The following RNMT variants were observed in gnomAD, a reference collection of about 807,000 sequenced individuals.
RNMT encodes the protein RNA guanine-7 methyltransferase.
In RNMT, 27 loss-of-function variants were observed where a neutral mutation model predicts 56.0. That is an observed-to-expected ratio of 0.48 (90% confidence interval 0.36 to 0.67). The LOEUF (loss-of-function observed/expected upper bound fraction) is 0.67. Among genes scored for constraint, RNMT ranks in the 30% least tolerant of loss-of-function variants. The pLI, the probability that RNMT is intolerant of heterozygous loss-of-function variation, is 0.00. For missense variants in RNMT, 519 were observed against 552.1 expected, an observed-to-expected ratio of 0.94 and a Z score of 0.60; for synonymous variants, 184 against 176.2, an observed-to-expected ratio of 1.04 and a Z score of -0.35.
At chr18:13,732,862 A>G (rs747320447) in intron 3 of RNMT, among the ~76,000 whole-genome samples, 15 of 150,370 alleles carry the variant, frequency 1.0e-4, no homozygotes, top group Non-Finnish European at 1.9e-4. Context: ...CCCGGGTTCA[A>G]GCGATTCTCC....
intron 3 of RNMT, among the ~76,000 whole-genome samples, chr18:13,733,866 C>T (rs1287930848): frequency 2.0e-5 from 3 of 152,152 alleles, no homozygotes; most frequent in Non-Finnish European, 4.4e-5. Flanking sequence ...AAAATTAATG[C>T]AGATGAAATA....
At chr18:13,732,016 T>C (rs2044079007) in intron 3 of RNMT, 82 bp downstream of exon 3, 3 of 1,109,938 alleles carry the variant, frequency 2.7e-6, no homozygotes, top group Non-Finnish European at 3.9e-6. Flanking sequence ...ATACTGGTTT[T>C]TACATAATAG....
At position 13,731,906 on chromosome 18, in the gene RNMT, C is replaced by G; in HGVS notation, c.389C>G (p.Ala130Gly). The G allele has an allele frequency of 1.3e-6, 2 of 1,599,164 alleles. No individual in the cohort carries two copies. Among genetic ancestry groups the G allele is most frequent in the Non-Finnish European group, 1.7e-6 (2 of 1,176,412 alleles). The change falls in exon 3 of 12, where the codon GCA (alanine) becomes GGA (glycine). Residue 130 changes from alanine to glycine, a missense_variant. Physicochemically the swap from Ala to Gly is moderately conservative, Grantham distance 60. Coordinates refer to ENST00000383314, the MANE Select transcript of RNMT (RefSeq NM_003799.3). ...GGCACTCAAAATAAGAGAAAAATAGCACTTGAGGATGTTCCTGAAAAGCAG... is the reference window on the plus strand; with the variant it reads ...GGCACTCAAAATAAGAGAAAAATAGGACTTGAGGATGTTCCTGAAAAGCAG... ...GDGTQNKRKI[A>G]LEDVPEKQKN...
In RNMT at chr18:13,734,578, T is replaced by A. The variant is rs769711837; in HGVS notation, c.532T>A (p.Trp178Arg). Residue 178 changes from tryptophan to arginine, a missense_variant, in exon 4 of 12, where the codon TGG becomes AGG. Physicochemically the swap from Trp to Arg is moderately radical, Grantham distance 101. Coordinates refer to ENST00000383314, the MANE Select transcript of RNMT (RefSeq NM_003799.3). ...TTTTTACCTAAGAAACTTTAATAAT[T>A]GGATGAAAAGTGTTCTCATTGGTAT... is the stretch of plus-strand genomic sequence containing the variant. ...RIFYLRNFNN[W>R]MKSVLIGEFL... 6 of 1,613,094 alleles carry A rather than the reference T, an allele frequency of 3.7e-6. No homozygotes were observed. Among genetic ancestry groups the A allele is most frequent in the Non-Finnish European group, 5.1e-6 (6 of 1,179,422 alleles).
intron 9 of RNMT, among the ~76,000 whole-genome samples, chr18:13,748,413 G>A (rs1400654596): frequency 6.6e-6 from 1 of 152,218 alleles, no homozygotes; most frequent in Non-Finnish European, 1.5e-5. Flanking sequence ...CCAGATAAGA[G>A]TTAGGACACT....
At chr18:13,744,159 C>CTTCTTTTTT (rs2044308314) in intron 8 of RNMT, among the ~76,000 whole-genome samples, 3 of 91,400 alleles carry the variant, frequency 3.3e-5, no homozygotes, top group African/African-American at 1.6e-4. Context: ...TAGCGGTCTT[C>CTTCTTTTTT]TTTTTTTTTT....
intron 9 of RNMT, among the ~76,000 whole-genome samples, chr18:13,751,047 A>G (rs1414636465): frequency 6.6e-6 from 1 of 152,228 alleles, no homozygotes; most frequent in Admixed American, 6.5e-5. Context: ...TTCAGGACAT[A>G]GGCATGGGCA....
At position 13,746,264 on chromosome 18, in the gene RNMT, T is replaced by C; in HGVS notation, c.1184T>C (p.Phe395Ser). Residue 395 changes from phenylalanine (F) to serine (S), a missense_variant, in exon 9 of 12, where the codon TTT (phenylalanine) becomes TCT (serine). Coordinates refer to ENST00000383314, the MANE Select transcript of RNMT (RefSeq NM_003799.3). The stretch of plus-strand genomic sequence containing the variant: ...ATGAAACTAGTCTACAAAAAAACAT[T>C]TCTGGAATTCTACGAAGAAAAGATT... ...YNMKLVYKKTFLEFYEEKIKN... is the reference protein window; with the variant it reads ...YNMKLVYKKTSLEFYEEKIKN... 1 of 1,574,472 alleles carries C rather than the reference T, an allele frequency of 6.4e-7. No individual in the cohort carries two copies.
intron 5 of RNMT, 125 bp from the exon 6 acceptor site, chr18:13,740,042 A>T: frequency 3.1e-6 from 2 of 652,244 alleles, no homozygotes; most frequent in Non-Finnish European, 5.4e-6. Context: ...TTTTCTTTTA[A>T]AGGAAATAAA....
chr18:13,731,451 A>T, intron 2 of RNMT, 25 bp from the exon 3 acceptor site: 1 of 1,281,768 alleles, frequency 7.8e-7, no homozygotes, highest in Non-Finnish European at 1.1e-6. Flanking sequence ...GTTTACAAGT[A>T]ATACCAATTT....
At position 13,764,017 on chromosome 18, in the gene RNMT, A is replaced by T. The variant is rs1043925; in HGVS notation, c.*4038A>T. The T allele has an allele frequency of 0.6, 91,623 of 151,974 alleles. 28,371 individuals carry two copies. The highest frequency in any genetic ancestry group is 0.86 in the East Asian group (4,447 of 5,158). The allele number at this position is 151,974 out of a possible 1,614,324, so 9.4% of individuals were successfully genotyped here. The stretch of plus-strand genomic sequence containing the variant: ...GACTTGAATTTCAGTTTGGTAGACC[A>T]CCTTCTTTAGCAGCCCAACCTGTAG... On this transcript the variant is annotated 3_prime_UTR_variant, in exon 12 of 12. Transcript: ENST00000383314.
chr18:13,759,020 C>T (rs776138270), intron 11 of RNMT, among the ~76,000 whole-genome samples: 26 of 152,074 alleles, frequency 1.7e-4, no homozygotes, highest in Non-Finnish European at 2.9e-4. Flanking sequence ...AGTTCTCCAT[C>T]TTATAAAGGC....
rs1180582439 is a variant in RNMT at position 13,764,039 on chromosome 18, G to A, written c.*4060G>A. ...ACCACCTTCTTTAGCAGCCCAACCT[G>A]TAGCAAATCTAGTTTAGCCTGCATG... On this transcript the variant is annotated 3_prime_UTR_variant, in exon 12 of 12. Transcript: ENST00000383314. 6.6e-6 allele frequency: 1 copy of A among 152,214 alleles called. No homozygotes were observed. Among genetic ancestry groups the A allele is most frequent in the East Asian group, 1.9e-4 (1 of 5,192 alleles). The allele number at this position is 152,214 out of a possible 1,614,324, so 9.4% of individuals were successfully genotyped here. A position where few individuals can be genotyped will look rare whatever the true frequency, so the allele number is the denominator to read the frequency against.
chr18:13,739,126 C>G (rs2044212481), intron 5 of RNMT, among the ~76,000 whole-genome samples: 1 of 152,132 alleles, frequency 6.6e-6, no homozygotes, highest in Admixed American at 6.5e-5. Context: ...GTTTGTCAGT[C>G]ATTCAAGTCA....
At chr18:13,729,937 C>T (rs144100951) in intron 1 of RNMT, among the ~76,000 whole-genome samples, 45 of 152,000 alleles carry the variant, frequency 3.0e-4, no homozygotes, top group Admixed American at 2.9e-3. Flanking sequence ...GTAACTGGGA[C>T]TAAGGCATGT....
At chr18:13,733,366 A>G (rs1020319885) in intron 3 of RNMT, among the ~76,000 whole-genome samples, 2 of 152,166 alleles carry the variant, frequency 1.3e-5, no homozygotes, top group Non-Finnish European at 2.9e-5. Flanking sequence ...AACGCTGCAC[A>G]TAGCCTACTG....
At chr18:13,750,590 A>G (rs2044424415) in intron 9 of RNMT, among the ~76,000 whole-genome samples, 4 of 152,144 alleles carry the variant, frequency 2.6e-5, no homozygotes. Flanking sequence ...CTTTGAGACC[A>G]GAAATTTAAG....
In RNMT at chr18:13,752,096, G is replaced by A. The variant is rs80005210; in HGVS notation, c.1258-230G>A. On this transcript the variant is annotated intron_variant, in intron 9 of 11. Coordinates refer to ENST00000383314, the MANE Select transcript of RNMT (RefSeq NM_003799.3). ...TAATAAACCTGAACGATTTGCACAT[G>A]TACCCTGGAATAATATACCCTAGTA... Among the ~76,000 whole-genome samples, 658 of 152,068 alleles carry A rather than the reference G, an allele frequency of 4.3e-3. 2 individuals carry two copies. Among genetic ancestry groups the A allele is most frequent in the African/African-American group, 0.015 (635 of 41,446 alleles).
chr18:13,742,228 A>G (rs1343487780), intron 7 of RNMT, among the ~76,000 whole-genome samples: 1 of 152,000 alleles, frequency 6.6e-6, no homozygotes, highest in Non-Finnish European at 1.5e-5. Context: ...GTCCTTGCTC[A>G]GGAGGCTGAG....
Sources: allele counts gnomAD v4.1 joint callset (sites outside exome capture counted in the v4.1 genomes callset), GRCh38; gene constraint gnomAD v4.1.1; transcripts MANE v1.5; gene names NCBI Gene and HGNC (gene_info 2026-07-23, HGNC 2026-07-21).